The following PRC1 variants were observed in gnomAD, a reference collection of about 807,000 sequenced individuals.
PRC1 encodes protein regulator of cytokinesis 1.
Under a neutral mutation model 91.2 loss-of-function variants are expected in PRC1, and 54 were observed. That is an observed-to-expected ratio of 0.59 (90% CI 0.48 to 0.74). The LOEUF is 0.74. Ranked by LOEUF, PRC1 falls within the 30% of genes least tolerant of loss-of-function variation. PRC1 has a pLI of 0.00. For missense variants in PRC1, 727 were observed against 746.2 expected, an observed-to-expected ratio of 0.97 and a Z score of 0.30; for synonymous variants, 275 against 263.6, an observed-to-expected ratio of 1.04 and a Z score of -0.42.
rs762766233 is a variant in PRC1 at position 90,969,500 on chromosome 15, G to C, written c.1696C>G (p.Leu566Val). 1.2e-6 allele frequency: 2 copies of C among 1,612,356 alleles called. No individual in the cohort carries two copies. The highest frequency in any genetic ancestry group is 1.1e-5 in the South Asian group (1 of 90,914). ...GAATTAATGCTGAAGTTGCGCTGGA[G>C]GGGGGCCGAGCCAGGGTACCCACCA... ...LSGGYPGSAPLQRNFSINSVA... is the reference protein window; with the variant it reads ...LSGGYPGSAPVQRNFSINSVA... Residue 566 changes from leucine (L) to valine (V), a missense_variant, in exon 13 of 15, where the codon CTC becomes GTC. Leu to Val is a conservative substitution (Grantham distance 32). Coordinates refer to ENST00000394249, the MANE Select transcript of PRC1 (RefSeq NM_003981.4).
At position 90,981,977 on chromosome 15, in the gene PRC1, T is replaced by C. The variant is rs774843027; in HGVS notation, c.272A>G (p.Glu91Gly). The C allele has an allele frequency of 4.3e-6, 7 of 1,612,968 alleles. No individual in the cohort carries two copies. In the Admixed American group the frequency reaches 1.0e-4, roughly 23 times the overall value. Reference sequence around the variant, plus strand: ...TAGTTGCAAGATGGTCGTCTCTCCTTCTTCCTGAATAAGACAACGTACCAC... The same window carrying C: ...TAGTTGCAAGATGGTCGTCTCTCCTCCTTCCTGAATAAGACAACGTACCAC... ...SELHVEPFQE[E>G]GETTILQLEK... Residue 91 changes from glutamate (E) to glycine (G), a missense_variant, in exon 4 of 15, where the codon GAA becomes GGA. Coordinates refer to ENST00000394249, the MANE Select transcript of PRC1 (RefSeq NM_003981.4).
Position 90,984,321 on chromosome 15 carries a change from C to A in PRC1, c.145-181G>T, listed in dbSNP as rs989037927. Among the ~76,000 whole-genome samples the A allele has an allele frequency of 6.6e-6, 1 of 152,108 alleles. No homozygotes were observed. The highest frequency in any genetic ancestry group is 1.5e-5 in the Non-Finnish European group (1 of 68,018). ...TCGGCTCACTGCAACCTCTACCTTC[C>A]GGGTTCAATAGATTCTCCTGTCTCA... is the stretch of plus-strand genomic sequence containing the variant. On this transcript the variant is annotated intron_variant, in intron 2 of 14. Transcript: ENST00000394249. This position sits in a 1 kb window ranked among gnomAD's most constrained non-coding sequence, Gnocchi z 5.1.
At chr15:90,988,953 A>T (rs1255988929) in intron 1 of PRC1, among the ~76,000 whole-genome samples, 3 of 152,192 alleles carry the variant, frequency 2.0e-5, no homozygotes, top group Non-Finnish European at 4.4e-5. Context: ...CACATCTAGA[A>T]GGTAAAGTGA....
intron 11 of PRC1, among the ~76,000 whole-genome samples, chr15:90,973,765 C>T (rs1290683266): frequency 6.6e-6 from 1 of 152,134 alleles, no homozygotes; most frequent in Non-Finnish European, 1.5e-5. Flanking sequence ...CACATCTAGG[C>T]ACAGTACCTT....
intron 1 of PRC1, among the ~76,000 whole-genome samples, chr15:90,989,185 C>A (rs994828435): frequency 4.6e-5 from 7 of 152,100 alleles, no homozygotes; most frequent in Non-Finnish European, 8.8e-5. Flanking sequence ...CTAGAACCCT[C>A]AGACACTGCT....
intron 9 of PRC1, among the ~76,000 whole-genome samples, chr15:90,976,115 G>A (rs1483192895): frequency 6.6e-6 from 1 of 152,122 alleles, no homozygotes; most frequent in Non-Finnish European, 1.5e-5. Context: ...CTGAGATGGA[G>A]TCTCACTCTG....
In PRC1 at chr15:90,966,970, C is replaced by G. The variant is rs575200373; in HGVS notation, c.*161G>C. The G allele has an allele frequency of 7.2e-4, 471 of 650,394 alleles. No individual in the cohort carries two copies. In the African/African-American group the frequency reaches 7.7e-3, roughly 11 times the overall value. The allele number at this position is 650,394 out of a possible 1,614,324, so 40.3% of individuals were successfully genotyped here. Reference sequence around the variant, plus strand: ...GACCACTAAACCTATGATGGGCTTTCAACTGTAACACTCATTCACATCTTT... The same window carrying G: ...GACCACTAAACCTATGATGGGCTTTGAACTGTAACACTCATTCACATCTTT... On this transcript the variant is annotated 3_prime_UTR_variant, in exon 15 of 15. Coordinates refer to ENST00000394249, the MANE Select transcript of PRC1 (RefSeq NM_003981.4).
intron 1 of PRC1, among the ~76,000 whole-genome samples, chr15:90,986,222 T>C (rs60290423): frequency 0.19 from 28,733 of 152,188 alleles, 3,204 homozygotes; most frequent in East Asian, 0.5. Flanking sequence ...CAAAGACATA[T>C]ATGAGAATGG....
At chr15:90,991,920 C>T (rs1259811753) in intron 1 of PRC1, among the ~76,000 whole-genome samples, 1 of 152,140 alleles carries the variant, frequency 6.6e-6, no homozygotes, top group East Asian at 1.9e-4. Flanking sequence ...GGAAAAGCCT[C>T]TGACTTTCCA....
chr15:90,981,192 T>G, intron 5 of PRC1, 159 bp from the exon 6 acceptor site: 3 of 981,088 alleles, frequency 3.1e-6, no homozygotes, highest in Non-Finnish European at 4.4e-6. Flanking sequence ...GCTGTAAGGC[T>G]GTCGGGATCT....
chr15:90,979,439 G>T, intron 7 of PRC1, 145 bp from the exon 8 acceptor site: 1 of 937,180 alleles, frequency 1.1e-6, no homozygotes, highest in Non-Finnish European at 1.6e-6. Context: ...GTGTGTAATA[G>T]ATATATAGTG....
chr15:90,980,228 A>G lies in PRC1; in HGVS notation c.970+14T>C. On this transcript the variant is annotated intron_variant, in intron 7 of 14. Transcript: ENST00000394249. The stretch of plus-strand genomic sequence containing the variant: ...TCCAAACAAACAAACCAAAGACCTC[A>G]CTCTTGTACTAACCAGCACAGAAAG... The G allele has an allele frequency of 6.3e-7, 1 of 1,581,138 alleles. No homozygotes were observed. The highest frequency in any genetic ancestry group is 8.6e-7 in the Non-Finnish European group (1 of 1,166,802).
chr15:90,987,687 T>G (rs1195374819), intron 1 of PRC1: 1 of 152,216 alleles, frequency 6.6e-6, no homozygotes, highest in Non-Finnish European at 1.5e-5. Context: ...CTAGATGTGC[T>G]CTGCTTCCAG....
chr15:90,974,877 G>C lies in PRC1; in HGVS notation c.1204-146C>G, dbSNP rs995987561. 6.6e-6 allele frequency: 6 copies of C among 909,596 alleles called. No homozygotes were observed. The highest frequency in any genetic ancestry group is 1.0e-5 in the Non-Finnish European group (6 of 587,462). 56.3% of individuals were successfully genotyped at this position (909,596 alleles called of 1,614,324 possible). On this transcript the variant is annotated intron_variant, in intron 9 of 14. Coordinates refer to ENST00000394249, the MANE Select transcript of PRC1 (RefSeq NM_003981.4). The surrounding 1 kb of genome is among the most constrained non-coding windows in gnomAD (Gnocchi z 4.6). Reference sequence around the variant, plus strand: ...GCTGGGCCCACATGGGTACAGGTCAGAGTGACCAGAAATCAAAGCCCGGAG... The same window carrying C: ...GCTGGGCCCACATGGGTACAGGTCACAGTGACCAGAAATCAAAGCCCGGAG...
intron 11 of PRC1, among the ~76,000 whole-genome samples, chr15:90,973,531 CAGG>C (rs2038369834): frequency 6.6e-6 from 1 of 151,992 alleles, no homozygotes; most frequent in Non-Finnish European, 1.5e-5. Flanking sequence ...CGTCTGTGCT[CAGG>C]AGGATTCGTA....
intron 6 of PRC1, 33 bp from the exon 7 acceptor site, chr15:90,980,422 CAT>C (rs1156925805): frequency 3.1e-6 from 5 of 1,603,430 alleles, no homozygotes; most frequent in Admixed American, 1.7e-5. Flanking sequence ...GGGTGGCTGC[CAT>C]AGTTTTATAT....
Position 90,981,174 on chromosome 15 carries a change from A to G in PRC1, c.673-141T>C, listed in dbSNP as rs1474209544. ...AAAGTAGCATGTTTTCATGCCTCCT[A>G]AACACGAGCTGTAAGGCTGTCGGGA... On this transcript the variant is annotated intron_variant, in intron 5 of 14. Transcript: ENST00000394249. 7 of 1,118,458 alleles carry G rather than the reference A, an allele frequency of 6.3e-6. No homozygotes were observed. In the South Asian group the frequency reaches 7.9e-5, roughly 13 times the overall value. The allele number at this position is 1,118,458 out of a possible 1,614,324, so 69.3% of individuals were successfully genotyped here.
chr15:90,980,455 T>A, intron 6 of PRC1, 66 bp from the exon 7 acceptor site: 1 of 1,471,614 alleles, frequency 6.8e-7, no homozygotes, highest in Admixed American at 2.2e-5. Flanking sequence ...TTGCAAAAGA[T>A]CCCCCCCTTT....
In PRC1 at chr15:90,966,087, T is replaced by G. The variant is rs1457773559; in HGVS notation, c.*1044A>C. 1 of 152,268 alleles carries G rather than the reference T, an allele frequency of 6.6e-6. No homozygotes were observed. The highest frequency in any genetic ancestry group is 2.1e-4 in the South Asian group (1 of 4,842). 9.4% of individuals were successfully genotyped at this position (152,268 alleles called of 1,614,324 possible). A position where few individuals can be genotyped will look rare whatever the true frequency, so the allele number is the denominator to read the frequency against. On this transcript the variant is annotated 3_prime_UTR_variant, in exon 15 of 15. Transcript: ENST00000394249. ...ATTTTAATTTATTTTTAAGAATAAT[T>G]GTATATTTTAAAAACAGGACACGTA...
Sources: gnomAD v4.1 joint callset for allele counts (sites outside exome capture counted in the v4.1 genomes callset) on GRCh38, gnomAD v4.1.1 for gene constraint, Gnocchi (gnomAD v3.1) non-coding constraint, MANE v1.5 for transcripts, NCBI Gene and HGNC (gene_info 2026-07-23, HGNC 2026-07-21) for gene names.